The following TTC39B variants were observed in gnomAD, a reference collection of about 807,000 sequenced individuals.
TTC39B encodes the protein tetratricopeptide repeat protein 39B.
In TTC39B, 92 loss-of-function variants were observed where a neutral mutation model predicts 96.6. That is an observed-to-expected ratio of 0.95 (90% CI 0.80 to 1.13). The LOEUF (loss-of-function observed/expected upper bound fraction) is 1.13. Among genes scored for constraint, TTC39B ranks in the 50% most tolerant of loss-of-function variants. The probability of loss-of-function intolerance (pLI) is 0.00; values close to 1 mark genes in which losing one functional copy is unlikely to be tolerated. For missense variants in TTC39B, 955 were observed against 809.3 expected (o/e 1.18, Z -2.18); for synonymous variants, 367 against 299.4 (o/e 1.23, Z -2.33).
At position 15,185,483 on chromosome 9, in the gene TTC39B, T is replaced by C. The variant is rs751474154; in HGVS notation, c.1488-77A>G. On this transcript the variant is annotated intron_variant, in intron 15 of 19. Transcript: ENST00000512701. ...TTATTTGTACCTGTGGTTTTCACAGTGAACTTCACAGACCACCAGCAGCAG... is the reference window on the plus strand; with the variant it reads ...TTATTTGTACCTGTGGTTTTCACAGCGAACTTCACAGACCACCAGCAGCAG... 105 of 1,582,156 alleles carry C rather than the reference T, an allele frequency of 6.6e-5. No homozygotes were observed. The African/African-American group carries it at 1.0e-3, about 16-fold the overall frequency.
chr9:15,272,403 GA>G (rs1823389030), intron 1 of TTC39B, among the ~76,000 whole-genome samples: 1 of 152,136 alleles, frequency 6.6e-6, no homozygotes, highest in Non-Finnish European at 1.5e-5. Flanking sequence ...CGCACACTCA[GA>G]GGAGCATCCT....
intron 8 of TTC39B, among the ~76,000 whole-genome samples, chr9:15,197,684 T>C (rs1334467052): frequency 6.6e-6 from 1 of 152,074 alleles, no homozygotes; most frequent in African/African-American, 2.4e-5. Context: ...AAACCACACT[T>C]AGGCACATCA....
At chr9:15,284,446 G>T (rs1012531109) in intron 1 of TTC39B, among the ~76,000 whole-genome samples, 4 of 152,142 alleles carry the variant, frequency 2.6e-5, no homozygotes, top group African/African-American at 7.2e-5. Flanking sequence ...ACACTGTGCT[G>T]CGAAAGAAAT....
At chr9:15,234,426 C>T (rs1266111866) in intron 2 of TTC39B, among the ~76,000 whole-genome samples, 6 of 149,072 alleles carry the variant, frequency 4.0e-5, no homozygotes, top group Non-Finnish European at 9.0e-5. Flanking sequence ...GCCCCCCGCC[C>T]GGCCAGCCGC....
At chr9:15,224,114 T>G (rs1357035408) in intron 3 of TTC39B, among the ~76,000 whole-genome samples, 2 of 152,112 alleles carry the variant, frequency 1.3e-5, no homozygotes, top group African/African-American at 2.4e-5. Context: ...CTCCTTCTAT[T>G]CACAGGCAAG....
intron 1 of TTC39B, among the ~76,000 whole-genome samples, chr9:15,279,220 A>G (rs951036563): frequency 1.3e-5 from 2 of 152,238 alleles, no homozygotes; most frequent in Non-Finnish European, 1.5e-5. Context: ...AACCTCCTGC[A>G]TGATCTTGCT....
At chr9:15,198,927 G>A (rs1819348646) in intron 8 of TTC39B, among the ~76,000 whole-genome samples, 1 of 152,076 alleles carries the variant, frequency 6.6e-6, no homozygotes, top group African/African-American at 2.4e-5. Context: ...TTCAAGACAA[G>A]GAATATCACC....
At chr9:15,244,693 A>G (rs1291956856) in intron 2 of TTC39B, among the ~76,000 whole-genome samples, 1 of 152,170 alleles carries the variant, frequency 6.6e-6, no homozygotes, top group East Asian at 1.9e-4. Flanking sequence ...GTTCTGCTTA[A>G]TGCTTCCTGC....
At chr9:15,277,728 T>A (rs1290089431) in intron 1 of TTC39B, among the ~76,000 whole-genome samples, 1 of 152,192 alleles carries the variant, frequency 6.6e-6, no homozygotes, top group Non-Finnish European at 1.5e-5. Context: ...TAAAGAGAAA[T>A]CCTTCCCAAG....
chr9:15,278,138 G>A (rs1823617582), intron 1 of TTC39B, among the ~76,000 whole-genome samples: 3 of 152,098 alleles, frequency 2.0e-5, no homozygotes, highest in Admixed American at 1.3e-4. Context: ...TTCCTTTTCT[G>A]CATTTCATTA....
chr9:15,242,564 C>A (rs1822093391), intron 2 of TTC39B, among the ~76,000 whole-genome samples: 1 of 151,942 alleles, frequency 6.6e-6, no homozygotes, highest in African/African-American at 2.4e-5. Flanking sequence ...ACCTGGGTGA[C>A]AGAGCAAGAC....
At chr9:15,274,510 CT>C (rs1823468496) in intron 1 of TTC39B, among the ~76,000 whole-genome samples, 2 of 152,218 alleles carry the variant, frequency 1.3e-5, no homozygotes, top group Admixed American at 1.3e-4. Flanking sequence ...ACAAGCACCC[CT>C]CATACCCTCC....
chr9:15,174,835 G>C (rs1299033384), intron 19 of TTC39B, among the ~76,000 whole-genome samples, 184 bp downstream of exon 19: 4 of 152,092 alleles, frequency 2.6e-5, no homozygotes, highest in Admixed American at 2.6e-4. Context: ...GCAGTAAGAG[G>C]GTTGGAAACA....
chr9:15,219,862 C>A (rs1820746004), intron 3 of TTC39B, among the ~76,000 whole-genome samples: 1 of 152,184 alleles, frequency 6.6e-6, no homozygotes, highest in Non-Finnish European at 1.5e-5. Context: ...ACCGCCCAAC[C>A]ATGACCCTCA....
At chr9:15,211,475 C>G in intron 4 of TTC39B, 78 bp from the exon 5 acceptor site, 1 of 1,263,458 alleles carries the variant, frequency 7.9e-7, no homozygotes, top group Non-Finnish European at 1.0e-6. Context: ...AAATGCATGT[C>G]CTGACTTGCA....
rs1465283892 is a variant in TTC39B at position 15,306,927 on chromosome 9, A to G, written c.240+157T>C. 1.3e-5 allele frequency among the ~76,000 whole-genome samples: 2 copies of G among 151,724 alleles called. No individual in the cohort carries two copies. The highest frequency in any genetic ancestry group is 4.1e-4 in the South Asian group (2 of 4,822). The stretch of plus-strand genomic sequence containing the variant: ...TCCTAGCTCCAGCGGGGACAGACCT[A>G]CCAAGGCCGGGCGCCCCCACCCGGC... On this transcript the variant is annotated intron_variant, in intron 1 of 19. Coordinates refer to ENST00000512701, the Ensembl canonical transcript of TTC39B. This position sits in a 1 kb window ranked among gnomAD's most constrained non-coding sequence, Gnocchi z 5.1.
chr9:15,241,337 A>G (rs551102031), intron 2 of TTC39B, among the ~76,000 whole-genome samples: 1 of 152,314 alleles, frequency 6.6e-6, no homozygotes, highest in African/African-American at 2.4e-5. Context: ...TGGAAAAGAT[A>G]GCAGTGAATG....
exon 20 of TTC39B, chr9:15,170,791 G>C (rs996504032): frequency 6.6e-6 from 1 of 152,178 alleles, no homozygotes; most frequent in Non-Finnish European, 1.5e-5. Context: ...ACATACATGT[G>C]GGGAGTTGGG....
At chr9:15,180,737 A>T (rs1209802176) in intron 17 of TTC39B, among the ~76,000 whole-genome samples, 1 of 152,138 alleles carries the variant, frequency 6.6e-6, no homozygotes, top group East Asian at 1.9e-4. Flanking sequence ...GAAGGATAGG[A>T]GCTTAATTAC....
Sources: gnomAD v4.1 joint callset for allele counts (sites outside exome capture counted in the v4.1 genomes callset) on GRCh38, gnomAD v4.1.1 for gene constraint, Gnocchi (gnomAD v3.1) non-coding constraint, MANE v1.5 for transcripts, NCBI Gene and HGNC (gene_info 2026-07-23, HGNC 2026-07-21) for gene names.